The following DZIP1L variants were observed in gnomAD, a reference collection of about 807,000 sequenced individuals.
DZIP1L encodes the protein DAZ interacting zinc finger protein 1 like, also known as cilium assembly protein DZIP1L.
DZIP1L carries 90 observed loss-of-function variants against 88.7 expected under a neutral mutation model. The observed-to-expected ratio is 1.02, with a 90% CI of 0.86 to 1.21. The LOEUF (loss-of-function observed/expected upper bound fraction) is 1.21, where lower values mean the gene tolerates loss of function less well. Ranked by LOEUF, DZIP1L falls within the 50% of genes most tolerant of loss-of-function variation. The pLI is 0.00. For synonymous variants in DZIP1L, 363 were observed against 372.1 expected (o/e 0.98, Z 0.28); for missense variants, 932 against 955.8 (o/e 0.98, Z 0.33).
chr3:138,067,884 G>A (rs1446759179), intron 13 of DZIP1L, among the ~76,000 whole-genome samples, 184 bp from the exon 14 acceptor site: 1 of 152,210 alleles, frequency 6.6e-6, no homozygotes, highest in African/African-American at 2.4e-5. Flanking sequence ...TCCCTTAGTA[G>A]AGCCCTGCCC....
At chr3:138,103,128 ACAC>A (rs958303142) in intron 2 of DZIP1L, among the ~76,000 whole-genome samples, 2 of 151,656 alleles carry the variant, frequency 1.3e-5, no homozygotes, top group Admixed American at 1.3e-4. Context: ...ACACACACAC[ACAC>A]ATTAAACACA....
chr3:138,090,789 G>C (rs1944179886), intron 5 of DZIP1L, among the ~76,000 whole-genome samples: 1 of 152,110 alleles, frequency 6.6e-6, no homozygotes, highest in Non-Finnish European at 1.5e-5. Context: ...CCTTGATCTA[G>C]GAGGACCAAT....
rs1026637616 is a variant in DZIP1L, at chr3:138,064,370, G to T, written c.2142+258C>A. On this transcript the variant is annotated intron_variant, in intron 15 of 15. Coordinates refer to ENST00000327532, the MANE Select transcript of DZIP1L (RefSeq NM_173543.3). ...AGCTCCGAAGCTCTCCGAGAGGCAGGAGATGGGACAATCAAAACTTACTGA... is the reference window on the plus strand; with the variant it reads ...AGCTCCGAAGCTCTCCGAGAGGCAGTAGATGGGACAATCAAAACTTACTGA... 2.0e-5 allele frequency: 26 copies of T among 1,326,082 alleles called. No homozygotes were observed. In the Middle Eastern group the frequency reaches 1.0e-3, roughly 52 times the overall value. The allele number at this position is 1,326,082 out of a possible 1,614,324, so 82.1% of individuals were successfully genotyped here.
Position 138,068,163 on chromosome 3 carries a change from C to T in DZIP1L, c.1820G>A (p.Gly607Glu). Reference sequence around the variant, plus strand: ...GTCTGGGGCTCACCTCATCCCGGGCCCCGAGGAAGGAGGGGTGCTGGAGGG... The same window carrying T: ...GTCTGGGGCTCACCTCATCCCGGGCTCCGAGGAAGGAGGGGTGCTGGAGGG... ...HGPSSTPPSS[G>E]PGMSTPPFSS... is the part of the protein sequence containing the mutation. The change falls in exon 13 of 16, where the codon GGG becomes GAG. Residue 607 changes from glycine to glutamate, a missense_variant. Physicochemically the swap from Gly to Glu is moderately conservative, Grantham distance 98. Transcript: ENST00000327532. 1 of 1,508,510 alleles carries T rather than the reference C, an allele frequency of 6.6e-7. No homozygotes were observed. The highest frequency in any genetic ancestry group is 8.9e-7 in the Non-Finnish European group (1 of 1,125,038). The allele number at this position is 1,508,510 out of a possible 1,614,324, so 93.4% of individuals were successfully genotyped here.
chr3:138,077,600 C>T lies in DZIP1L; in HGVS notation c.1321G>A (p.Val441Met). ...MEDSQDEQHK[V>M]LAALRRNPTL... ...GGGTTACGCCTCAGAGCTGCCAGCA[C>T]CTTGTGCTGTTCATCCTGGGAGTCC... The change falls in exon 11 of 16, where the codon GTG (valine) becomes ATG (methionine). Residue 441 changes from valine to methionine, a missense_variant. Transcript: ENST00000327532. 1 of 1,614,188 alleles carries T rather than the reference C, an allele frequency of 6.2e-7. No homozygotes were observed. Among genetic ancestry groups the T allele is most frequent in the Non-Finnish European group, 8.5e-7 (1 of 1,180,038 alleles).
At chr3:138,079,115 G>A (rs1051920713) in intron 10 of DZIP1L, among the ~76,000 whole-genome samples, 2 of 152,200 alleles carry the variant, frequency 1.3e-5, no homozygotes, top group African/African-American at 4.8e-5. Flanking sequence ...GCTCTTGCCT[G>A]CTGGTCTGGG....
intron 13 of DZIP1L, 49 bp downstream of exon 13, chr3:138,068,102 C>T: frequency 7.0e-7 from 1 of 1,428,932 alleles, no homozygotes; most frequent in African/African-American, 1.4e-5. Flanking sequence ...TGCCTGAATC[C>T]AGGAGCCACC....
chr3:138,099,172 GT>G (rs1403003822), intron 2 of DZIP1L, among the ~76,000 whole-genome samples: 2 of 152,220 alleles, frequency 1.3e-5, no homozygotes, highest in African/African-American at 2.4e-5. Context: ...TTCCTTCCTA[GT>G]TTCTGGCAAG....
chr3:138,100,189 G>A (rs1436686187), intron 2 of DZIP1L, among the ~76,000 whole-genome samples: 1 of 152,192 alleles, frequency 6.6e-6, no homozygotes, highest in Non-Finnish European at 1.5e-5. Flanking sequence ...AAGAGGGGCT[G>A]GACTACTAAG....
At chr3:138,089,751 A>G (rs1467896812) in intron 5 of DZIP1L, among the ~76,000 whole-genome samples, 1 of 152,192 alleles carries the variant, frequency 6.6e-6, no homozygotes. Context: ...TGATTCCTAT[A>G]CTTTAATAAA....
intron 14 of DZIP1L, among the ~76,000 whole-genome samples, chr3:138,065,990 G>A (rs1473217200): frequency 6.6e-6 from 1 of 152,206 alleles, no homozygotes; most frequent in African/African-American, 2.4e-5. Flanking sequence ...ATGACAGTTA[G>A]CTCAGGTCTC....
At chr3:138,067,507 A>C in intron 14 of DZIP1L, 24 bp downstream of exon 14, 5 of 1,568,546 alleles carry the variant, frequency 3.2e-6, no homozygotes, top group Non-Finnish European at 4.3e-6. Flanking sequence ...GTCCCAGCCC[A>C]CTCACCCAAA....
At chr3:138,068,536 G>A (rs1943022039) in intron 12 of DZIP1L, among the ~76,000 whole-genome samples, 169 bp from the exon 13 acceptor site, 1 of 152,160 alleles carries the variant, frequency 6.6e-6, no homozygotes, top group Non-Finnish European at 1.5e-5. Flanking sequence ...TGTTCTGCTG[G>A]CCAGATTCGA....
chr3:138,102,833 G>A (rs1346883417), intron 2 of DZIP1L: 2 of 715,322 alleles, frequency 2.8e-6, no homozygotes, highest in African/African-American at 1.7e-5. Context: ...CCAGCACTGG[G>A]CCCACTCATG....
intron 1 of DZIP1L, among the ~76,000 whole-genome samples, chr3:138,104,512 T>C (rs2042421264): frequency 6.6e-6 from 1 of 152,274 alleles, no homozygotes; most frequent in African/African-American, 2.4e-5. Flanking sequence ...CAAGATAAAG[T>C]CCGACAACTT....
rs370283897 is a variant in DZIP1L at position 138,103,702 on chromosome 3, C to T, written c.270G>A (p.Ala90=). The T allele has an allele frequency of 1.2e-5, 20 of 1,612,526 alleles. No homozygotes were observed. The highest frequency in any genetic ancestry group is 1.6e-4 in the Middle Eastern group (1 of 6,084). Residue 90 remains alanine (A), a synonymous_variant, in exon 2 of 16, where the codon GCG becomes GCA. Transcript: ENST00000327532. ...DPALLKVLRL[A]QLIIEYLLHC... Reference sequence around the variant, plus strand: ...GCAGCAGGTACTCAATGATGAGCTGCGCCAGGCGCAGCACCTTGAGCAGTG... The same window carrying T: ...GCAGCAGGTACTCAATGATGAGCTGTGCCAGGCGCAGCACCTTGAGCAGTG...
chr3:138,108,224 C>T, intron 1 of DZIP1L: 12 of 985,320 alleles, frequency 1.2e-5, no homozygotes, highest in Non-Finnish European at 1.4e-5. Flanking sequence ...ACTGTGCCAC[C>T]AGAGCCTCAG....
intron 5 of DZIP1L, chr3:138,089,400 G>A: frequency 2.5e-6 from 1 of 396,744 alleles, no homozygotes; most frequent in Non-Finnish European, 3.4e-6. Flanking sequence ...ACAAACCTTC[G>A]TGGTATTTCC....
intron 8 of DZIP1L, among the ~76,000 whole-genome samples, chr3:138,082,471 A>G (rs550583234): frequency 6.6e-6 from 1 of 152,360 alleles, no homozygotes; most frequent in South Asian, 2.1e-4. Flanking sequence ...TCTTCAGGGT[A>G]AAAGGAAAAA....
Sources: gnomAD v4.1 joint callset for allele counts (sites outside exome capture counted in the v4.1 genomes callset) on GRCh38, gnomAD v4.1.1 for gene constraint, MANE v1.5 for transcripts, NCBI Gene and HGNC (gene_info 2026-07-23, HGNC 2026-07-21) for gene names.